The following CCDC3 variants were observed in gnomAD, a reference collection of about 807,000 sequenced individuals.
CCDC3 encodes coiled-coil domain-containing protein 3.
In CCDC3, 24 loss-of-function variants were observed where a neutral mutation model predicts 21.4. That is an observed-to-expected ratio of 1.12 (90% CI 0.81 to 1.58). The LOEUF (loss-of-function observed/expected upper bound fraction) is 1.58. Ranked by LOEUF, CCDC3 falls within the 40% of genes most tolerant of loss-of-function variation. The pLI is 0.00. For synonymous variants in CCDC3, 186 were observed against 166.0 expected, an observed-to-expected ratio of 1.12 and a Z score of -0.93; for missense variants, 425 against 360.9, an observed-to-expected ratio of 1.18 and a Z score of -1.44.
In CCDC3 at chr10:12,919,796, G is replaced by A. The variant is rs115354866; in HGVS notation, c.550-21117C>T. Reference sequence around the variant, plus strand: ...AGCCCGAGATGGCATGCAGCTCCCAGGGAGATGTGCTATGATTAAATCCTT... The same window carrying A: ...AGCCCGAGATGGCATGCAGCTCCCAAGGAGATGTGCTATGATTAAATCCTT... On this transcript the variant is annotated intron_variant, in intron 2 of 2. Coordinates refer to ENST00000378825, the MANE Select transcript of CCDC3 (RefSeq NM_031455.4). 2.6e-3 allele frequency among the ~76,000 whole-genome samples: 400 copies of A among 152,312 alleles called. 2 individuals are homozygous for A. The highest frequency in any genetic ancestry group is 9.2e-3 in the African/African-American group (382 of 41,562).
At chr10:13,080,400 A>C (rs996092421) in intron 3 of CCDC3, among the ~76,000 whole-genome samples, 3 of 152,242 alleles carry the variant, frequency 2.0e-5, no homozygotes, top group Non-Finnish European at 4.4e-5. Context: ...GAATTTATGC[A>C]AGAAATGTTG....
intron 2 of CCDC3, among the ~76,000 whole-genome samples, chr10:12,900,410 G>A (rs150144307): frequency 1.1e-3 from 174 of 151,470 alleles, no homozygotes; most frequent in African/African-American, 3.9e-3. Flanking sequence ...TGGGTGTGGT[G>A]GCTCACGCCT....
At chr10:13,060,304 G>A (rs1257650693) in intron 4 of CCDC3, among the ~76,000 whole-genome samples, 1 of 152,132 alleles carries the variant, frequency 6.6e-6, no homozygotes, top group African/African-American at 2.4e-5. Context: ...ATTCAGGGAA[G>A]GGGATTGGCT....
At chr10:12,934,108 A>G (rs1030946677) in intron 2 of CCDC3, among the ~76,000 whole-genome samples, 3 of 152,166 alleles carry the variant, frequency 2.0e-5, no homozygotes, top group Admixed American at 1.3e-4. Flanking sequence ...CTTTATTTTC[A>G]CTACATCCCA....
intron 2 of CCDC3, among the ~76,000 whole-genome samples, chr10:12,929,004 C>T (rs767839333): frequency 2.6e-5 from 4 of 152,134 alleles, no homozygotes; most frequent in Non-Finnish European, 2.9e-5. Flanking sequence ...TGGCTCATGC[C>T]TGTAATCCCA....
At chr10:13,087,794 C>T (rs1197905826) in intron 3 of CCDC3, among the ~76,000 whole-genome samples, 5 of 152,134 alleles carry the variant, frequency 3.3e-5, no homozygotes, top group Admixed American at 3.3e-4. Flanking sequence ...TTCCTATGTA[C>T]TCTGCAATGG....
At chr10:12,994,301 G>C (rs533742971) in intron 2 of CCDC3, among the ~76,000 whole-genome samples, 1 of 152,142 alleles carries the variant, frequency 6.6e-6, no homozygotes, top group African/African-American at 2.4e-5. Flanking sequence ...GGGAGGCTGA[G>C]GTAGAAGTAT....
At chr10:12,974,540 A>C (rs1835388169) in intron 2 of CCDC3, among the ~76,000 whole-genome samples, 1 of 152,230 alleles carries the variant, frequency 6.6e-6, no homozygotes, top group African/African-American at 2.4e-5. Flanking sequence ...ACCTAAACTC[A>C]GCCTCCTTTC....
At chr10:12,956,718 C>T (rs963122657) in intron 2 of CCDC3, among the ~76,000 whole-genome samples, 1 of 152,182 alleles carries the variant, frequency 6.6e-6, no homozygotes, top group Non-Finnish European at 1.5e-5. Context: ...AGGTCTCAGC[C>T]TTGGCCTAGA....
intron 2 of CCDC3, among the ~76,000 whole-genome samples, chr10:12,948,146 G>A (rs998386029): frequency 2.0e-5 from 3 of 151,982 alleles, no homozygotes; most frequent in Non-Finnish European, 4.4e-5. Flanking sequence ...TAAGTCCCAC[G>A]AGATCTGATG....
chr10:12,928,191 A>C (rs1308642872), intron 2 of CCDC3, among the ~76,000 whole-genome samples: 1 of 152,206 alleles, frequency 6.6e-6, no homozygotes, highest in Non-Finnish European at 1.5e-5. Flanking sequence ...ATCTGAGGTT[A>C]GTCAGCCAGT....
At chr10:12,915,310 T>C (rs1834334695) in intron 2 of CCDC3, among the ~76,000 whole-genome samples, 1 of 152,242 alleles carries the variant, frequency 6.6e-6, no homozygotes, top group Admixed American at 6.5e-5. Context: ...CTGCTGCTGT[T>C]GGATGGAATG....
chr10:12,900,690 C>CAA (rs547349413), intron 2 of CCDC3, among the ~76,000 whole-genome samples: 1,667 of 63,260 alleles, frequency 0.026, 61 homozygotes, highest in African/African-American at 0.069. Context: ...CACTCCATCT[C>CAA]AAAAAAAAAA....
intron 2 of CCDC3, among the ~76,000 whole-genome samples, chr10:12,971,789 G>A (rs576277024): frequency 8.5e-5 from 13 of 152,240 alleles, no homozygotes; most frequent in African/African-American, 2.2e-4. Context: ...AGGTTCAAGC[G>A]ATTCTCCTTG....
chr10:13,075,766 G>C (rs552393811), intron 3 of CCDC3, among the ~76,000 whole-genome samples: 1 of 152,056 alleles, frequency 6.6e-6, no homozygotes, highest in African/African-American at 2.4e-5. Flanking sequence ...GTGGGTAGGC[G>C]CACGGGCATG....
intron 4 of CCDC3, among the ~76,000 whole-genome samples, chr10:13,069,429 G>T (rs1228065890): frequency 6.6e-6 from 1 of 152,040 alleles, no homozygotes; most frequent in East Asian, 1.9e-4. Context: ...GGTTATAAAA[G>T]GTTTTTTGCT....
chr10:13,092,190 G>A (rs1001647648), intron 3 of CCDC3, among the ~76,000 whole-genome samples: 4 of 152,174 alleles, frequency 2.6e-5, no homozygotes, highest in African/African-American at 9.7e-5. Context: ...TAAACAATTC[G>A]TGAGTATGGG....
chr10:13,047,955 G>A (rs770031400), intron 5 of CCDC3, among the ~76,000 whole-genome samples: 77 of 152,110 alleles, frequency 5.1e-4, no homozygotes, highest in Non-Finnish European at 9.4e-4. Context: ...CAGGCTGGAG[G>A]GAAAGGAGGA....
intron 3 of CCDC3, among the ~76,000 whole-genome samples, chr10:13,079,692 G>A (rs138099318): frequency 8.5e-4 from 129 of 152,260 alleles, no homozygotes; most frequent in Middle Eastern, 3.4e-3. Context: ...TCACACAAAC[G>A]TCCAGTAGTA....
Sources: allele counts gnomAD v4.1 joint callset (sites outside exome capture counted in the v4.1 genomes callset), GRCh38; gene constraint gnomAD v4.1.1; transcripts MANE v1.5; gene names NCBI Gene and HGNC (gene_info 2026-07-23, HGNC 2026-07-21).